SLC1A3: variants seen among roughly 807,000 people sequenced by gnomAD.
SLC1A3 encodes the protein excitatory amino acid transporter 1.
A neutral mutation model predicts 48.1 loss-of-function variants in SLC1A3; 21 were observed. The ratio of observed to expected loss-of-function variants is 0.44; its 90% CI spans 0.31 to 0.63. The LOEUF (loss-of-function observed/expected upper bound fraction) is 0.63. SLC1A3 is among the 20% of genes least tolerant of loss of function. The pLI is 0.08. For synonymous variants in SLC1A3, 239 were observed against 251.4 expected (o/e 0.95, Z 0.47); for missense variants, 546 against 689.0 (o/e 0.79, Z 2.32).
chr5:36,660,890 T>A (rs1192618005), intron 3 of SLC1A3, among the ~76,000 whole-genome samples: 2 of 152,182 alleles, frequency 1.3e-5, no homozygotes, highest in Non-Finnish European at 2.9e-5. Context: ...CATCCCATCT[T>A]CCTTTGCTTT....
intron 9 of SLC1A3, among the ~76,000 whole-genome samples, chr5:36,685,087 T>C (rs995147202): frequency 1.3e-5 from 2 of 152,348 alleles, no homozygotes; most frequent in Non-Finnish European, 1.5e-5. Context: ...TATTCATATT[T>C]ATCATATTAG....
At chr5:36,677,690 T>G (rs10080178) in intron 6 of SLC1A3, among the ~76,000 whole-genome samples, 13,731 of 152,252 alleles carry the variant, frequency 0.09, 1,888 homozygotes, top group African/African-American at 0.3. Flanking sequence ...GCACAAAGTT[T>G]GCCTTGGATG....
intron 6 of SLC1A3, among the ~76,000 whole-genome samples, chr5:36,678,521 G>T (rs1319764163): frequency 6.6e-6 from 1 of 152,210 alleles, no homozygotes; most frequent in Non-Finnish European, 1.5e-5. Flanking sequence ...GTATTCCTAT[G>T]ATTTCCTGGC....
intron 3 of SLC1A3, among the ~76,000 whole-genome samples, chr5:36,665,412 GA>G (rs1741700031): frequency 6.6e-6 from 1 of 152,202 alleles, no homozygotes; most frequent in Middle Eastern, 3.2e-3. Context: ...AGGAGACACA[GA>G]ATGAACAAAA....
intron 5 of SLC1A3, among the ~76,000 whole-genome samples, chr5:36,676,502 T>A (rs1051426960): frequency 6.6e-6 from 1 of 152,210 alleles, no homozygotes; most frequent in African/African-American, 2.4e-5. Context: ...TTGTGAATAT[T>A]TGGGTTTATG....
intron 3 of SLC1A3, among the ~76,000 whole-genome samples, chr5:36,663,842 C>T (rs1344513638): frequency 6.6e-6 from 1 of 152,228 alleles, no homozygotes; most frequent in Non-Finnish European, 1.5e-5. Flanking sequence ...GTTCTCCGCT[C>T]TTCATGGAGA....
chr5:36,618,790 T>C (rs1158233424), intron 2 of SLC1A3, among the ~76,000 whole-genome samples: 1 of 152,210 alleles, frequency 6.6e-6, no homozygotes, highest in African/African-American at 2.4e-5. Flanking sequence ...ATAATTTCCT[T>C]TTTCCAGAAA....
chr5:36,632,450 A>G (rs1375797217), intron 3 of SLC1A3, among the ~76,000 whole-genome samples: 1 of 152,188 alleles, frequency 6.6e-6, no homozygotes. Flanking sequence ...ACTACTGAAC[A>G]TCATGTTTAC....
intron 8 of SLC1A3, among the ~76,000 whole-genome samples, chr5:36,681,244 T>C (rs1742432719): frequency 6.6e-6 from 1 of 152,248 alleles, no homozygotes; most frequent in Admixed American, 6.5e-5. Flanking sequence ...AATCATACTA[T>C]ACATACATGT....
At chr5:36,619,544 G>A (rs1401172616) in intron 2 of SLC1A3, among the ~76,000 whole-genome samples, 1 of 152,116 alleles carries the variant, frequency 6.6e-6, no homozygotes. Context: ...GAAGGCTGAG[G>A]CGGGAGGATC....
At chr5:36,634,155 A>G (rs1416968656) in intron 3 of SLC1A3, among the ~76,000 whole-genome samples, 1 of 152,098 alleles carries the variant, frequency 6.6e-6, no homozygotes, top group African/African-American at 2.4e-5. Context: ...GTGTGCCTGT[A>G]ATCCCAGCTA....
At chr5:36,608,046 T>G in intron 1 of SLC1A3, 1 of 203,518 alleles carries the variant, frequency 4.9e-6, no homozygotes, top group South Asian at 9.7e-5. Context: ...GGAATAGGGG[T>G]TCTCAGTCAG....
intron 3 of SLC1A3, among the ~76,000 whole-genome samples, chr5:36,665,827 A>G (rs1741718286): frequency 6.6e-6 from 1 of 152,224 alleles, no homozygotes; most frequent in South Asian, 2.1e-4. Context: ...CTTAGATTAC[A>G]TTCCGAGGCT....
intron 2 of SLC1A3, among the ~76,000 whole-genome samples, chr5:36,619,085 C>A (rs936136813): frequency 5.3e-5 from 8 of 152,138 alleles, no homozygotes; most frequent in South Asian, 2.1e-4. Flanking sequence ...CATTTGGGCA[C>A]CCCTGGTGGA....
At chr5:36,604,099 A>T (rs2562580), upstream of SLC1A3, among the ~76,000 whole-genome samples, 2 of 152,154 alleles carry the variant, frequency 1.3e-5, no homozygotes, top group East Asian at 1.9e-4. Context: ...TTTTTCCCAA[A>T]GAAAGAATTT....
At chr5:36,648,252 G>C (rs1391119471) in intron 3 of SLC1A3, among the ~76,000 whole-genome samples, 2 of 152,116 alleles carry the variant, frequency 1.3e-5, no homozygotes, top group Non-Finnish European at 2.9e-5. Context: ...CTATAGGCAA[G>C]ACTGTACCAC....
At position 36,596,994 on chromosome 5, in the gene SLC1A3, A is replaced by G. The variant is rs141128041; in HGVS notation, c.-96+316A>G. Among the ~76,000 whole-genome samples the G allele has an allele frequency of 3.6e-3, 553 of 152,042 alleles. 9 individuals are homozygous for G. Among genetic ancestry groups the G allele is most frequent in the Admixed American group, 0.031 (467 of 15,276 alleles). On this transcript the variant is annotated intron_variant, in intron 1 of 9. Coordinates refer to the SLC1A3 transcript ENST00000680318. ...GTTGCTCCCGTGGTATCTGTGTCAC[A>G]TTTGGATGTTTGGGTTTTTTGGTTT...
chr5:36,604,367 G>A (rs920000450), upstream of SLC1A3, among the ~76,000 whole-genome samples: 1 of 151,830 alleles, frequency 6.6e-6, no homozygotes, highest in Admixed American at 6.6e-5. Flanking sequence ...AAAGCTCAAG[G>A]GACTTAACTA....
intron 2 of SLC1A3, among the ~76,000 whole-genome samples, chr5:36,626,892 TAAAACA>T (rs969308569): frequency 7.9e-5 from 12 of 152,114 alleles, no homozygotes; most frequent in African/African-American, 2.4e-4. Context: ...TTAAATATTT[TAAAACA>T]AAACAAGTAA....
Sources: allele counts gnomAD v4.1 joint callset (sites outside exome capture counted in the v4.1 genomes callset), GRCh38; gene constraint gnomAD v4.1.1; transcripts MANE v1.5; gene names NCBI Gene and HGNC (gene_info 2026-07-23, HGNC 2026-07-21).